Variants in SUGCT observed in about 807,000 individuals in gnomAD.
SUGCT encodes succinyl-CoA:glutarate CoA-transferase.
SUGCT carries 41 observed loss-of-function variants against 55.0 expected under a neutral mutation model. That is an observed-to-expected ratio of 0.74 (90% CI 0.58 to 0.97). The LOEUF (loss-of-function observed/expected upper bound fraction) is 0.97. Among genes scored for constraint, SUGCT ranks in the 50% least tolerant of loss-of-function variants. The pLI, the probability that SUGCT is intolerant of heterozygous loss-of-function variation, is 0.00. For synonymous variants in SUGCT, 187 were observed against 200.4 expected (o/e 0.93, Z 0.56); for missense variants, 568 against 547.8 (o/e 1.04, Z -0.37).
Position 40,426,013 on chromosome 7 carries a change from A to G in SUGCT, c.817-23274A>G, listed in dbSNP as rs190662974. 5.3e-5 allele frequency among the ~76,000 whole-genome samples: 8 copies of G among 152,322 alleles called. No homozygotes were observed. The East Asian group carries it at 1.3e-3, about 26-fold the overall frequency. On this transcript the variant is annotated intron_variant, in intron 9 of 13. Coordinates refer to ENST00000335693, the MANE Select transcript of SUGCT (RefSeq NM_001193313.2). ...AAGTAATTGATAAAATGAATTTATTATAATGTCTGGCACATATCTTAATCA... is the reference window on the plus strand; with the variant it reads ...AAGTAATTGATAAAATGAATTTATTGTAATGTCTGGCACATATCTTAATCA...
At chr7:40,581,360 G>A (rs1584042775) in intron 12 of SUGCT, among the ~76,000 whole-genome samples, 1 of 152,134 alleles carries the variant, frequency 6.6e-6, no homozygotes, top group African/African-American at 2.4e-5. Context: ...TAAGCCAGGA[G>A]GTAGTTAGCC....
intron 11 of SUGCT, among the ~76,000 whole-genome samples, 161 bp downstream of exon 11, chr7:40,459,359 TTTTG>T (rs746146586): frequency 1.8e-4 from 28 of 152,194 alleles, no homozygotes; most frequent in Non-Finnish European, 2.2e-4. Flanking sequence ...TGTGGGGTTT[TTTTG>T]TTTGTTTGTT....
At chr7:40,342,180 C>T (rs761437470) in intron 9 of SUGCT, among the ~76,000 whole-genome samples, 1 of 152,198 alleles carries the variant, frequency 6.6e-6, no homozygotes, top group Non-Finnish European at 1.5e-5. Context: ...CAAAGGGAGA[C>T]AACTTGATTT....
At chr7:40,851,616 C>A (rs1793857401) in intron 13 of SUGCT, among the ~76,000 whole-genome samples, 1 of 152,136 alleles carries the variant, frequency 6.6e-6, no homozygotes. Context: ...TAGAACCATC[C>A]CTTAGAGGAC....
chr7:40,868,354 C>T, the SUGCT span, among the ~76,000 whole-genome samples: 1 of 152,098 alleles, frequency 6.6e-6, no homozygotes, highest in South Asian at 2.1e-4. Context: ...GTGTGTTGTT[C>T]CCTTCTCTGT....
chr7:40,473,769 AACTC>A (rs1235193729), intron 11 of SUGCT, among the ~76,000 whole-genome samples: 1 of 152,182 alleles, frequency 6.6e-6, no homozygotes, highest in Non-Finnish European at 1.5e-5. Context: ...TTAATTTAGG[AACTC>A]ACTCAGAGAT....
intron 7 of SUGCT, among the ~76,000 whole-genome samples, chr7:40,242,489 A>G (rs1382829607): frequency 2.6e-5 from 4 of 152,080 alleles, no homozygotes; most frequent in Non-Finnish European, 5.9e-5. Context: ...GACACATTCT[A>G]TAACTGAAGC....
At chr7:40,904,137 A>C in the SUGCT span, among the ~76,000 whole-genome samples, 2 of 152,140 alleles carry the variant, frequency 1.3e-5, no homozygotes, top group African/African-American at 4.8e-5. Context: ...CCAAATTACA[A>C]GTTTGTTTAC....
chr7:40,751,747 G>A (rs1788021828), intron 13 of SUGCT, among the ~76,000 whole-genome samples: 1 of 152,116 alleles, frequency 6.6e-6, no homozygotes, highest in South Asian at 2.1e-4. Context: ...TACAGATGAG[G>A]TCATACAGGG....
Position 40,182,039 on chromosome 7 carries a change from T to C in SUGCT, c.226+11T>C. ...AAGTGGAGAGACCAGGTAAAGCTAT[T>C]ACTCCCTTTAAAAAATAGAAACAAG... On this transcript the variant is annotated intron_variant, in intron 3 of 13. Coordinates refer to ENST00000335693, the MANE Select transcript of SUGCT (RefSeq NM_001193313.2). 6.7e-7 allele frequency: 1 copy of C among 1,489,998 alleles called. No individual in the cohort carries two copies. The highest frequency in any genetic ancestry group is 9.2e-7 in the Non-Finnish European group (1 of 1,089,908). 92.3% of individuals were successfully genotyped at this position (1,489,998 alleles called of 1,614,324 possible).
chr7:40,676,428 C>T (rs946397504), intron 12 of SUGCT, among the ~76,000 whole-genome samples: 1 of 151,464 alleles, frequency 6.6e-6, no homozygotes, highest in African/African-American at 2.4e-5. Context: ...CCAGATCCTG[C>T]ATAATGTTTA....
intron 9 of SUGCT, among the ~76,000 whole-genome samples, chr7:40,319,553 T>C (rs899590300): frequency 1.3e-5 from 2 of 152,200 alleles, no homozygotes; most frequent in Non-Finnish European, 2.9e-5. Flanking sequence ...TCCTCCATTC[T>C]TGTTGAACCC....
At chr7:40,976,724 C>T in the SUGCT span, among the ~76,000 whole-genome samples, 2 of 152,244 alleles carry the variant, frequency 1.3e-5, no homozygotes, top group African/African-American at 4.8e-5. Flanking sequence ...CTCATGATCC[C>T]ATTTGCAGTG....
At chr7:40,844,684 G>A (rs952893766) in intron 13 of SUGCT, among the ~76,000 whole-genome samples, 2 of 152,220 alleles carry the variant, frequency 1.3e-5, no homozygotes, top group Non-Finnish European at 1.5e-5. Flanking sequence ...ATTTTGGACC[G>A]CAGGTCCAGG....
chr7:40,165,757 C>T (rs1181504855), intron 1 of SUGCT, among the ~76,000 whole-genome samples: 5 of 151,948 alleles, frequency 3.3e-5, no homozygotes, highest in African/African-American at 1.2e-4. Context: ...TGTTTTCAAA[C>T]AAGAAGTTAT....
rs141706329 is a variant in SUGCT at position 40,770,300 on chromosome 7, C to A, written c.1153+20803C>A. Among the ~76,000 whole-genome samples, 42 of 152,178 alleles carry A rather than the reference C, an allele frequency of 2.8e-4. 1 individual carries two copies. Among genetic ancestry groups the A allele is most frequent in the African/African-American group, 9.4e-4 (39 of 41,518 alleles). ...TAGCACAGATTAAAGAGAGGTTAAT[C>A]CTCTCTCCCATGATAGTCTGGAGGC... is the stretch of plus-strand genomic sequence containing the variant. On this transcript the variant is annotated intron_variant, in intron 13 of 13. Coordinates refer to ENST00000335693, the MANE Select transcript of SUGCT (RefSeq NM_001193313.2).
intron 12 of SUGCT, among the ~76,000 whole-genome samples, chr7:40,523,651 G>T (rs1397406267): frequency 6.6e-6 from 1 of 151,990 alleles, no homozygotes; most frequent in Non-Finnish European, 1.5e-5. Flanking sequence ...CTACTTCTTT[G>T]CCTTTTCCAC....
At chr7:40,983,677 CAG>C in the SUGCT span, among the ~76,000 whole-genome samples, 1 of 152,112 alleles carries the variant, frequency 6.6e-6, no homozygotes, top group African/African-American at 2.4e-5. Flanking sequence ...TTAAAGTAAA[CAG>C]TGCGGTTTAT....
At chr7:40,420,583 C>G (rs778161289) in intron 9 of SUGCT, among the ~76,000 whole-genome samples, 2 of 152,116 alleles carry the variant, frequency 1.3e-5, no homozygotes, top group Non-Finnish European at 2.9e-5. Context: ...AGGTGATCCA[C>G]CTGCTTCGGC....
Sources: allele counts gnomAD v4.1 joint callset (sites outside exome capture counted in the v4.1 genomes callset), GRCh38; gene constraint gnomAD v4.1.1; transcripts MANE v1.5; gene names NCBI Gene and HGNC (gene_info 2026-07-23, HGNC 2026-07-21).